Variants in SLC27A2 observed in about 807,000 individuals in gnomAD.
SLC27A2 encodes the protein long-chain fatty acid transport protein 2.
Under a neutral mutation model 60.0 loss-of-function variants are expected in SLC27A2, and 54 were observed. That is an observed-to-expected ratio of 0.90 (90% confidence interval 0.72 to 1.13). The LOEUF is 1.13. Among genes scored for constraint, SLC27A2 ranks in the 50% most tolerant of loss-of-function variants. The probability of loss-of-function intolerance (pLI) is 0.00; values close to 1 mark genes in which losing one functional copy is unlikely to be tolerated. For missense variants in SLC27A2, 739 were observed against 777.6 expected, an observed-to-expected ratio of 0.95 and a Z score of 0.59; for synonymous variants, 297 against 297.6, an observed-to-expected ratio of 1.00 and a Z score of 0.02.
Position 50,226,081 on chromosome 15 carries a change from A to T in SLC27A2, c.1258+3A>T. The T allele has an allele frequency of 6.3e-7, 1 of 1,586,080 alleles. No individual in the cohort carries two copies. Among genetic ancestry groups the T allele is most frequent in the Admixed American group, 1.7e-5 (1 of 59,932 alleles). ...ATATTGCGTCAGAGTTCCCAAAGGT[A>T]CAGTGGACTTTTGTTCAATCAACCT... On this transcript the variant is annotated splice_donor_region_variant and intron_variant, in intron 6 of 9. Transcript: ENST00000267842.
chr15:50,191,285 C>A (rs1056546055), intron 1 of SLC27A2, among the ~76,000 whole-genome samples: 3 of 152,184 alleles, frequency 2.0e-5, no homozygotes, highest in African/African-American at 7.2e-5. Context: ...CCACCCAGAT[C>A]CCTGCTTTAG....
chr15:50,223,538 G>GT (rs72362468), intron 5 of SLC27A2, among the ~76,000 whole-genome samples: 36 of 152,060 alleles, frequency 2.4e-4, no homozygotes, highest in African/African-American at 6.0e-4. Context: ...CACCTGGGGA[G>GT]TTTTTTTTAT....
intron 2 of SLC27A2, among the ~76,000 whole-genome samples, chr15:50,201,339 T>G (rs1197328646): frequency 6.6e-5 from 10 of 152,188 alleles, no homozygotes; most frequent in Admixed American, 6.6e-4. Context: ...TCATTCATAG[T>G]GTGAATTGCC....
intron 7 of SLC27A2, among the ~76,000 whole-genome samples, chr15:50,228,410 T>G (rs1449963656): frequency 6.8e-6 from 1 of 147,336 alleles, no homozygotes; most frequent in African/African-American, 2.5e-5. Context: ...GAATTTTTAA[T>G]GAAAACAAAA....
At chr15:50,206,727 C>T (rs1218725827) in intron 4 of SLC27A2, among the ~76,000 whole-genome samples, 1 of 152,168 alleles carries the variant, frequency 6.6e-6, no homozygotes, top group Non-Finnish European at 1.5e-5. Flanking sequence ...CTGTCCACTA[C>T]CAGATCTACG....
intron 1 of SLC27A2, among the ~76,000 whole-genome samples, chr15:50,184,158 T>C (rs2044899940): frequency 6.6e-6 from 1 of 151,848 alleles, no homozygotes; most frequent in Admixed American, 6.6e-5. Flanking sequence ...GCCCAGCTAA[T>C]TTTTTGTTAT....
chr15:50,222,774 G>T (rs1015024387), intron 4 of SLC27A2, among the ~76,000 whole-genome samples, 191 bp from the exon 5 acceptor site: 2 of 152,162 alleles, frequency 1.3e-5, no homozygotes, highest in African/African-American at 4.8e-5. Flanking sequence ...TTGTGCTAGA[G>T]GAATAGGGAA....
intron 4 of SLC27A2, 137 bp downstream of exon 4, chr15:50,205,500 T>G (rs926253085): frequency 1.2e-6 from 1 of 809,088 alleles, no homozygotes; most frequent in Non-Finnish European, 1.9e-6. Context: ...ATAAAGTACT[T>G]GGCACTATAC....
chr15:50,206,236 A>G (rs1041812533), intron 4 of SLC27A2, among the ~76,000 whole-genome samples: 1 of 152,118 alleles, frequency 6.6e-6, no homozygotes, highest in Non-Finnish European at 1.5e-5. Context: ...TCCCCAGGTC[A>G]TGATCATCAA....
chr15:50,222,393 T>C (rs1480427178), intron 4 of SLC27A2, among the ~76,000 whole-genome samples: 1 of 152,210 alleles, frequency 6.6e-6, no homozygotes, highest in Non-Finnish European at 1.5e-5. Flanking sequence ...TGTTGCTCTT[T>C]AATGGCTTTG....
chr15:50,184,017 G>T (rs139328575), intron 1 of SLC27A2, among the ~76,000 whole-genome samples: 844 of 10,184 alleles, frequency 0.083, 17 homozygotes, highest in African/African-American at 0.1. Context: ...TTTTTTGACA[G>T]TCTCGTTCTG....
chr15:50,199,906 C>T (rs1399898642), intron 2 of SLC27A2, among the ~76,000 whole-genome samples: 2 of 152,114 alleles, frequency 1.3e-5, no homozygotes, highest in African/African-American at 4.8e-5. Flanking sequence ...GGTGACAGAG[C>T]AAGGCACTGT....
At chr15:50,234,325 C>A (rs565250083) in intron 9 of SLC27A2, among the ~76,000 whole-genome samples, 3 of 152,068 alleles carry the variant, frequency 2.0e-5, no homozygotes, top group African/African-American at 7.2e-5. Context: ...CGGTGGCTCA[C>A]GCCTATAATC....
At chr15:50,212,051 A>C (rs2140906698) in intron 4 of SLC27A2, among the ~76,000 whole-genome samples, 1 of 145,102 alleles carries the variant, frequency 6.9e-6, no homozygotes, top group South Asian at 2.3e-4. Flanking sequence ...AGCCTGGGAG[A>C]CAGAGTGAGA....
chr15:50,227,812 A>G (rs1047518437), intron 7 of SLC27A2, among the ~76,000 whole-genome samples: 1 of 152,084 alleles, frequency 6.6e-6, no homozygotes, highest in African/African-American at 2.4e-5. Context: ...GCCTGGTGTC[A>G]TTTTTTGCAT....
intron 1 of SLC27A2, among the ~76,000 whole-genome samples, chr15:50,183,295 G>T (rs1025833400): frequency 2.6e-5 from 4 of 152,160 alleles, no homozygotes; most frequent in African/African-American, 4.8e-5. Flanking sequence ...AGGATCTTGA[G>T]TGCGAACTCT....
In SLC27A2 at chr15:50,233,932, G is replaced by C. The variant is rs1180531571; in HGVS notation, c.1620G>C (p.Lys540Asn). 6.2e-7 allele frequency: 1 copy of C among 1,613,852 alleles called. No homozygotes were observed. The highest frequency in any genetic ancestry group is 8.5e-7 in the Non-Finnish European group (1 of 1,179,868). ...KMKENHEFDG[K>N]KLFQHIADYL... The stretch of plus-strand genomic sequence containing the variant: ...AAGAAAACCATGAATTTGATGGAAA[G>C]AAACTCTTTCAGCACATTGCTGATT... The change falls in exon 9 of 10, where the codon AAG becomes AAC. Residue 540 changes from lysine (K) to asparagine (N), a missense_variant. By Grantham distance (94) the Lys-to-Asn change is moderately conservative. Transcript: ENST00000267842.
chr15:50,220,760 C>A (rs1275047168), intron 4 of SLC27A2, among the ~76,000 whole-genome samples: 1 of 152,166 alleles, frequency 6.6e-6, no homozygotes, highest in African/African-American at 2.4e-5. Flanking sequence ...AACAGGGACA[C>A]TTGAGAGTGA....
chr15:50,215,868 A>G (rs1332512359), intron 4 of SLC27A2, among the ~76,000 whole-genome samples: 1 of 152,220 alleles, frequency 6.6e-6, no homozygotes, highest in African/African-American at 2.4e-5. Flanking sequence ...TCTAGAACAT[A>G]ACATTGGAAA....
Sources: gnomAD v4.1 joint callset for allele counts (sites outside exome capture counted in the v4.1 genomes callset) on GRCh38, gnomAD v4.1.1 for gene constraint, MANE v1.5 for transcripts, NCBI Gene and HGNC (gene_info 2026-07-23, HGNC 2026-07-21) for gene names.